Variants in TRABD2B observed in about 807,000 individuals in gnomAD.
The protein encoded by TRABD2B is metalloprotease TIKI2.
Under a neutral mutation model 40.1 loss-of-function variants are expected in TRABD2B, and 14 were observed. The observed-to-expected ratio is 0.35, with a 90% confidence interval of 0.23 to 0.55. The LOEUF (loss-of-function observed/expected upper bound fraction) is 0.55, where lower values mean the gene tolerates loss of function less well. TRABD2B is among the 20% of genes least tolerant of loss of function. The pLI is 0.90. For missense variants in TRABD2B, 541 were observed against 648.6 expected, an observed-to-expected ratio of 0.83 and a Z score of 1.80; for synonymous variants, 263 against 277.0, an observed-to-expected ratio of 0.95 and a Z score of 0.50.
chr1:47,946,579 A>G (rs1645263264), intron 2 of TRABD2B, among the ~76,000 whole-genome samples: 2 of 152,202 alleles, frequency 1.3e-5, no homozygotes, highest in South Asian at 4.1e-4. Context: ...TATTCCCAGG[A>G]TAATTCCTGG....
Position 47,996,846 on chromosome 1 carries a change from C to G in TRABD2B, c.-57G>C. 8.6e-7 allele frequency: 1 copy of G among 1,160,592 alleles called. No individual in the cohort carries two copies. Among genetic ancestry groups the G allele is most frequent in the Non-Finnish European group, 1.1e-6 (1 of 942,462 alleles). 71.9% of individuals were successfully genotyped at this position (1,160,592 alleles called of 1,614,324 possible). ...TCCTGGGCGGCGCCCCTCAGCGGGG[C>G]GGGGAGCCCCCAGTTGGGCACGGAG... is the stretch of plus-strand genomic sequence containing the variant. On this transcript the variant is annotated 5_prime_UTR_variant, in exon 1 of 7. Coordinates refer to ENST00000606738, the MANE Select transcript of TRABD2B (RefSeq NM_001194986.2). The surrounding 1 kb of genome is among the most constrained non-coding windows in gnomAD (Gnocchi z 4.6).
chr1:47,800,189 T>G (rs142738555), intron 3 of TRABD2B, among the ~76,000 whole-genome samples: 86 of 152,154 alleles, frequency 5.7e-4, no homozygotes, highest in African/African-American at 1.9e-3. Context: ...CAGTCACTAA[T>G]CAATGAATCA....
At chr1:47,888,961 C>T (rs1027921908) in intron 2 of TRABD2B, among the ~76,000 whole-genome samples, 11 of 152,184 alleles carry the variant, frequency 7.2e-5, no homozygotes, top group African/African-American at 7.2e-5. Flanking sequence ...CTGTGGCCCG[C>T]GCTCCCCAGC....
chr1:47,948,469 C>T (rs549163083), intron 2 of TRABD2B, among the ~76,000 whole-genome samples: 9 of 152,296 alleles, frequency 5.9e-5, no homozygotes, highest in African/African-American at 1.9e-4. Context: ...CCCCTGGAGA[C>T]AGGAGACAAA....
chr1:47,816,685 T>G (rs1281234019), intron 2 of TRABD2B, among the ~76,000 whole-genome samples: 1 of 152,174 alleles, frequency 6.6e-6, no homozygotes, highest in East Asian at 1.9e-4. Context: ...GAAGCTCTCC[T>G]ACACCCTGGA....
chr1:47,877,052 C>G (rs952568180), intron 2 of TRABD2B, among the ~76,000 whole-genome samples: 1 of 152,076 alleles, frequency 6.6e-6, no homozygotes, highest in Non-Finnish European at 1.5e-5. Flanking sequence ...TGATAAGTAT[C>G]ATGAAGGGCT....
chr1:47,858,960 A>G (rs1228917562), intron 2 of TRABD2B, among the ~76,000 whole-genome samples: 1 of 152,246 alleles, frequency 6.6e-6, no homozygotes, highest in South Asian at 2.1e-4. Context: ...TCTGCTCCTT[A>G]AATCAAATCC....
At chr1:47,779,126 C>T (rs924786925) in intron 4 of TRABD2B, among the ~76,000 whole-genome samples, 5 of 152,216 alleles carry the variant, frequency 3.3e-5, no homozygotes, top group African/African-American at 1.2e-4. Context: ...GAGATGGCAT[C>T]TCCACTGCCC....
intron 2 of TRABD2B, among the ~76,000 whole-genome samples, chr1:47,924,047 C>G (rs1397262147): frequency 1.3e-5 from 2 of 152,036 alleles, no homozygotes; most frequent in African/African-American, 2.4e-5. Context: ...TGTTTCCGGT[C>G]TTTATTCAGC....
At chr1:47,767,782 T>G (rs1478473515) in intron 6 of TRABD2B, among the ~76,000 whole-genome samples, 3 of 152,210 alleles carry the variant, frequency 2.0e-5, no homozygotes, top group African/African-American at 4.8e-5. Flanking sequence ...TCCCACTGCT[T>G]GCCCCACCTC....
chr1:47,784,196 C>T (rs186683075), intron 4 of TRABD2B, among the ~76,000 whole-genome samples: 20 of 152,312 alleles, frequency 1.3e-4, no homozygotes, highest in Non-Finnish European at 2.5e-4. Flanking sequence ...AAAGGCAAAG[C>T]TTGGACTTCA....
At chr1:47,901,623 G>A (rs1644600840) in intron 2 of TRABD2B, among the ~76,000 whole-genome samples, 1 of 152,232 alleles carries the variant, frequency 6.6e-6, no homozygotes, top group Non-Finnish European at 1.5e-5. Context: ...CTGCACTCAA[G>A]GAGTTCATGG....
intron 2 of TRABD2B, among the ~76,000 whole-genome samples, chr1:47,918,202 C>T (rs1047604724): frequency 6.6e-6 from 1 of 152,220 alleles, no homozygotes; most frequent in Non-Finnish European, 1.5e-5. Flanking sequence ...GGCAAGGGTT[C>T]ACCTGTCTGT....
At chr1:47,876,677 G>A (rs1287331848) in intron 2 of TRABD2B, among the ~76,000 whole-genome samples, 7 of 152,170 alleles carry the variant, frequency 4.6e-5, no homozygotes, top group South Asian at 2.1e-4. Context: ...TGGCCCAGCC[G>A]GGGGGCCCAC....
intron 3 of TRABD2B, among the ~76,000 whole-genome samples, chr1:47,796,761 T>C (rs17103780): frequency 0.059 from 8,999 of 152,090 alleles, 441 homozygotes; most frequent in East Asian, 0.2. Flanking sequence ...CCAATCAGAG[T>C]TGGCAATGGA....
chr1:47,887,238 T>C (rs1162875578), intron 2 of TRABD2B, among the ~76,000 whole-genome samples: 9 of 152,124 alleles, frequency 5.9e-5, no homozygotes, highest in Non-Finnish European at 1.2e-4. Context: ...TTCTGCAACA[T>C]AGCAACTGAG....
Position 47,801,566 on chromosome 1 carries a change from C to T in TRABD2B, c.720G>A (p.Gly240=). The T allele has an allele frequency of 3.9e-6, 6 of 1,535,998 alleles. No individual in the cohort carries two copies. Among genetic ancestry groups the T allele is most frequent in the Non-Finnish European group, 4.4e-6 (5 of 1,146,850 alleles). ...TLLQQESVRA[G]SLQASYTTED... Reference sequence around the variant, plus strand: ...CCGTGGTGTAGGAGGCCTGCAGGCTCCCGGCCCGCACACTCTCCTGCTGCA... The same window carrying T: ...CCGTGGTGTAGGAGGCCTGCAGGCTTCCGGCCCGCACACTCTCCTGCTGCA... Residue 240 remains glycine (G), a synonymous_variant, in exon 3 of 7, where the codon GGG becomes GGA. Transcript: ENST00000606738.
At chr1:47,880,606 G>C (rs1251312395) in intron 2 of TRABD2B, among the ~76,000 whole-genome samples, 1 of 152,170 alleles carries the variant, frequency 6.6e-6, no homozygotes, top group African/African-American at 2.4e-5. Context: ...ACTGTCCGGG[G>C]AGGTGTCATG....
chr1:47,920,885 A>G (rs1225833448), intron 2 of TRABD2B, among the ~76,000 whole-genome samples: 1 of 152,170 alleles, frequency 6.6e-6, no homozygotes, highest in Non-Finnish European at 1.5e-5. Flanking sequence ...TGGCAAGGGG[A>G]AGGGGCTTTC....
Sources: allele counts gnomAD v4.1 joint callset (sites outside exome capture counted in the v4.1 genomes callset), GRCh38; gene constraint gnomAD v4.1.1; non-coding constraint Gnocchi (gnomAD v3.1); transcripts MANE v1.5; gene names NCBI Gene and HGNC (gene_info 2026-07-23, HGNC 2026-07-21).